Variants in USP20 observed in about 807,000 individuals in gnomAD.
The protein encoded by USP20 is ubiquitin specific peptidase 20.
Under a neutral mutation model 124.2 loss-of-function variants are expected in USP20, and 80 were observed. That is an observed-to-expected ratio of 0.64 (90% confidence interval 0.54 to 0.78). The LOEUF (loss-of-function observed/expected upper bound fraction) is 0.78. Among genes scored for constraint, USP20 ranks in the 30% least tolerant of loss-of-function variants. USP20 has a pLI of 0.00. For synonymous variants in USP20, 481 were observed against 512.3 expected (o/e 0.94, Z 0.83); for missense variants, 1,043 against 1,244.4 (o/e 0.84, Z 2.44).
chr9:129,836,637 A>C (rs1227956147), intron 1 of USP20, among the ~76,000 whole-genome samples: 1 of 152,172 alleles, frequency 6.6e-6, no homozygotes, highest in Non-Finnish European at 1.5e-5. Context: ...AGAATGCCTT[A>C]CGTTTTCTCT....
At chr9:129,860,334 A>AG (rs2033473866) in intron 6 of USP20, among the ~76,000 whole-genome samples, 2 of 42,322 alleles carry the variant, frequency 4.7e-5, no homozygotes, top group Non-Finnish European at 6.2e-5. Context: ...TGTCTCAAAA[A>AG]GAAAAAAAAA....
Position 129,856,302 on chromosome 9 carries a change from C to T in USP20, c.82-5C>T. The T allele has an allele frequency of 1.2e-6, 2 of 1,614,134 alleles. No homozygotes were observed. The highest frequency in any genetic ancestry group is 1.7e-6 in the Non-Finnish European group (2 of 1,179,974). On this transcript the variant is annotated splice_region_variant and splice_polypyrimidine_tract_variant and intron_variant, in intron 3 of 25. Transcript: ENST00000372429. ...GCTCTTTTTCTCTCCTCTCAACTCACACAGGGAACCTGTCAGTCGTGTGGG... is the reference window on the plus strand; with the variant it reads ...GCTCTTTTTCTCTCCTCTCAACTCATACAGGGAACCTGTCAGTCGTGTGGG...
intron 5 of USP20, 79 bp from the exon 6 acceptor site, chr9:129,858,388 G>A: frequency 6.3e-7 from 1 of 1,591,414 alleles, no homozygotes; most frequent in Non-Finnish European, 8.6e-7. Flanking sequence ...GAGAGGCTGG[G>A]GAGCGGAGCA....
chr9:129,837,152 G>A (rs1160231597), intron 1 of USP20, among the ~76,000 whole-genome samples: 2 of 152,212 alleles, frequency 1.3e-5, no homozygotes, highest in East Asian at 3.8e-4. Context: ...AAAAGTGGCA[G>A]CTATGAATCT....
At chr9:129,843,246 G>A (rs954422923) in intron 1 of USP20, among the ~76,000 whole-genome samples, 1 of 151,796 alleles carries the variant, frequency 6.6e-6, no homozygotes, top group Non-Finnish European at 1.5e-5. Flanking sequence ...CCTGGCCAAC[G>A]TGGTGAAACC....
At chr9:129,848,922 C>T (rs780304930) in intron 1 of USP20, among the ~76,000 whole-genome samples, 2 of 152,222 alleles carry the variant, frequency 1.3e-5, no homozygotes, top group Non-Finnish European at 2.9e-5. Context: ...TTCTAACTGC[C>T]TCTCCCTCTT....
At position 129,880,694 on chromosome 9, in the gene USP20, CCCA is replaced by C. The variant is rs993934945; in HGVS notation, c.*246_*248del. The C allele has an allele frequency of 3.3e-5, 6 of 181,188 alleles. No individual in the cohort carries two copies. Among genetic ancestry groups the C allele is most frequent in the Admixed American group, 2.7e-4 (5 of 18,300 alleles). The allele number at this position is 181,188 out of a possible 1,614,324, so 11.2% of individuals were successfully genotyped here. On this transcript the variant is annotated 3_prime_UTR_variant, in exon 26 of 26. Coordinates refer to ENST00000372429, the MANE Select transcript of USP20 (RefSeq NM_001110303.4). Reference sequence around the variant, plus strand: ...GCCAGTCACTGTCATCGTTGTGTCCCCCACAACTGTCCTCTTGCTAGCTCGGCC... The same window carrying C: ...GCCAGTCACTGTCATCGTTGTGTCCCCAACTGTCCTCTTGCTAGCTCGGCC...
At chr9:129,852,482 C>A in intron 2 of USP20, 58 bp from the exon 3 acceptor site, 1 of 1,493,328 alleles carries the variant, frequency 6.7e-7, no homozygotes, top group Non-Finnish European at 9.1e-7. Context: ...CACTCACCTC[C>A]CCACCTCCTG....
chr9:129,859,438 T>C (rs1467126223), intron 6 of USP20, among the ~76,000 whole-genome samples: 2 of 150,710 alleles, frequency 1.3e-5, no homozygotes, highest in African/African-American at 4.9e-5. Context: ...CATGCCTGGC[T>C]AATTTTCATA....
intron 15 of USP20, among the ~76,000 whole-genome samples, chr9:129,870,958 A>G (rs1194581333): frequency 2.6e-5 from 4 of 152,074 alleles, no homozygotes; most frequent in Admixed American, 1.3e-4. Flanking sequence ...ACCTTTGGGA[A>G]AACTCTCTCT....
In USP20 at chr9:129,849,618, G is replaced by T. The variant is rs1174789624; in HGVS notation, c.-128-195G>T. On this transcript the variant is annotated intron_variant, in intron 1 of 25. Transcript: ENST00000372429. ...CTACAAGAAATTTTAAATAAATTAG[G>T]TGGGTGTGGTGGTGCACACCTATAG... is the stretch of plus-strand genomic sequence containing the variant. Among the ~76,000 whole-genome samples, 7 of 152,202 alleles carry T rather than the reference G, an allele frequency of 4.6e-5. No individual in the cohort carries two copies. The East Asian group carries it at 1.4e-3, about 29-fold the overall frequency.
intron 1 of USP20, among the ~76,000 whole-genome samples, chr9:129,842,290 G>C (rs936129437): frequency 2.6e-5 from 4 of 152,128 alleles, no homozygotes; most frequent in Non-Finnish European, 4.4e-5. Flanking sequence ...TTACCTCCCG[G>C]GATAATGTAT....
intron 15 of USP20, among the ~76,000 whole-genome samples, chr9:129,871,124 C>G (rs1043110175): frequency 6.6e-5 from 10 of 152,292 alleles, no homozygotes. Flanking sequence ...CCATTCATCT[C>G]CAGAACTTTT....
intron 1 of USP20, among the ~76,000 whole-genome samples, chr9:129,844,571 T>C (rs559234762): frequency 7.3e-6 from 1 of 137,852 alleles, no homozygotes; most frequent in Admixed American, 8.2e-5. Flanking sequence ...GTGTGTTCAG[T>C]CGAGATCGCA....
chr9:129,853,268 G>A (rs1344060834), intron 3 of USP20, among the ~76,000 whole-genome samples: 10 of 151,422 alleles, frequency 6.6e-5, no homozygotes, highest in East Asian at 1.9e-4. Context: ...GATGGTATAC[G>A]ATCCTCTCTG....
At chr9:129,869,926 T>C in intron 14 of USP20, 82 bp downstream of exon 14, 2 of 1,531,710 alleles carry the variant, frequency 1.3e-6, no homozygotes, top group Non-Finnish European at 1.8e-6. Flanking sequence ...CACAGTGAAG[T>C]CCATGCATTT....
chr9:129,871,931 G>A (rs2034147877), intron 15 of USP20, among the ~76,000 whole-genome samples: 1 of 152,104 alleles, frequency 6.6e-6, no homozygotes, highest in Non-Finnish European at 1.5e-5. Flanking sequence ...GGCCAGGCTG[G>A]TCTTGAACTC....
chr9:129,860,744 C>A (rs567231182), intron 6 of USP20, among the ~76,000 whole-genome samples, 193 bp from the exon 7 acceptor site: 29 of 152,318 alleles, frequency 1.9e-4, no homozygotes, highest in African/African-American at 6.3e-4. Flanking sequence ...CAGACACACA[C>A]AAATCAAGGA....
chr9:129,875,073 T>C (rs76936936), intron 19 of USP20, 118 bp downstream of exon 19: 24,847 of 1,450,372 alleles, frequency 0.017, 277 homozygotes, highest in East Asian at 0.024. Flanking sequence ...AGTAAGGACT[T>C]GGATTGTTAA....
Sources: allele counts gnomAD v4.1 joint callset (sites outside exome capture counted in the v4.1 genomes callset), GRCh38; gene constraint gnomAD v4.1.1; transcripts MANE v1.5; gene names NCBI Gene and HGNC (gene_info 2026-07-23, HGNC 2026-07-21).